The following XIRP2 variants were observed in gnomAD, a reference collection of about 807,000 sequenced individuals.
The protein encoded by XIRP2 is xin actin binding repeat containing 2.
XIRP2 carries 236 observed loss-of-function variants against 277.0 expected under a neutral mutation model. That is an observed-to-expected ratio of 0.85 (90% CI 0.77 to 0.95). The LOEUF (loss-of-function observed/expected upper bound fraction) is 0.95, where lower values mean the gene tolerates loss of function less well. Ranked by LOEUF, XIRP2 falls within the 40% of genes least tolerant of loss-of-function variation. The pLI, the probability that XIRP2 is intolerant of heterozygous loss-of-function variation, is 0.00. For synonymous variants in XIRP2, 1,490 were observed against 1,416.5 expected, an observed-to-expected ratio of 1.05 and a Z score of -1.17; for missense variants, 4,640 against 4,157.5, an observed-to-expected ratio of 1.12 and a Z score of -3.19.
chr2:167,184,559 C>G, intron 3 of XIRP2: 1 of 717,238 alleles, frequency 1.4e-6, no homozygotes, highest in South Asian at 1.5e-5. Flanking sequence ...CTCCACGGAC[C>G]AAGCCCAGAT....
chr2:167,170,312 T>C (rs1043237015), intron 3 of XIRP2, among the ~76,000 whole-genome samples: 2 of 152,090 alleles, frequency 1.3e-5, no homozygotes, highest in African/African-American at 4.8e-5. Context: ...TTAGGTAGGC[T>C]TCAAAAAAAC....
intron 3 of XIRP2, among the ~76,000 whole-genome samples, chr2:167,173,134 C>T (rs945729419): frequency 5.3e-5 from 8 of 152,128 alleles, no homozygotes; most frequent in African/African-American, 1.9e-4. Flanking sequence ...TAAAAACAAC[C>T]CAATTATGCT....
intron 2 of XIRP2, among the ~76,000 whole-genome samples, chr2:167,017,875 C>T (rs1687875151): frequency 2.0e-5 from 3 of 151,912 alleles, no homozygotes; most frequent in South Asian, 4.1e-4. Context: ...TTTTAGAGTC[C>T]CCAGTTTTCC....
At chr2:167,117,576 A>G (rs757798493) in intron 2 of XIRP2, among the ~76,000 whole-genome samples, 4 of 152,178 alleles carry the variant, frequency 2.6e-5, no homozygotes, top group Non-Finnish European at 5.9e-5. Flanking sequence ...AAAAAATCTC[A>G]CTAACCTTTG....
chr2:167,165,742 C>T (rs1459691854), intron 3 of XIRP2, among the ~76,000 whole-genome samples: 5 of 152,276 alleles, frequency 3.3e-5, no homozygotes, highest in Middle Eastern at 3.4e-3. Context: ...ATAACAGTCC[C>T]TTATCAGATA....
At chr2:166,916,464 T>G (rs1399208019) in intron 2 of XIRP2, among the ~76,000 whole-genome samples, 1 of 152,158 alleles carries the variant, frequency 6.6e-6, no homozygotes, top group East Asian at 1.9e-4. Flanking sequence ...CAGAAGTTAT[T>G]AGAATCTTGA....
chr2:167,230,974 C>A (rs1331117100), intron 5 of XIRP2, among the ~76,000 whole-genome samples: 1 of 152,068 alleles, frequency 6.6e-6, no homozygotes, highest in Non-Finnish European at 1.5e-5. Context: ...CTCTTACAAC[C>A]AACTCCCCTA....
intron 4 of XIRP2, among the ~76,000 whole-genome samples, chr2:167,215,565 C>T (rs1694220809): frequency 6.6e-6 from 1 of 152,026 alleles, no homozygotes; most frequent in South Asian, 2.1e-4. Context: ...GATCCAGGAC[C>T]CCCAAAGTCC....
At chr2:167,255,667 G>T (rs898497155) in intron 10 of XIRP2, among the ~76,000 whole-genome samples, 1 of 151,654 alleles carries the variant, frequency 6.6e-6, no homozygotes. Context: ...ACTACATACC[G>T]TGTTATCTCC....
rs1022846165 is a variant in XIRP2, at chr2:167,216,951, CCATAAAAAATGATGAGTT to C, written c.724-1211_724-1194del. Among the ~76,000 whole-genome samples, 37 of 137,738 alleles carry C rather than the reference CCATAAAAAATGATGAGTT, an allele frequency of 2.7e-4. 2 individuals carry two copies. Among genetic ancestry groups the C allele is most frequent in the Non-Finnish European group, 1.1e-4 (7 of 66,334 alleles). The allele number at this position is 137,738 out of a possible 152,430, so 90.4% of individuals were successfully genotyped here. Reference sequence around the variant, plus strand: ...ACATACACCATGGAATACTATGCAGCCATAAAAAATGATGAGTTCATGTCCTTTGTAGGGACATGGATG... The same window carrying C: ...ACATACACCATGGAATACTATGCAGCCATGTCCTTTGTAGGGACATGGATG... On this transcript the variant is annotated intron_variant, in intron 4 of 10. Transcript: ENST00000409195.
intron 2 of XIRP2, among the ~76,000 whole-genome samples, chr2:166,933,350 G>A (rs943477944): frequency 2.4e-4 from 37 of 151,824 alleles, no homozygotes; most frequent in East Asian, 7.8e-4. Flanking sequence ...GGGTTTTGCC[G>A]TGTTAGCCAG....
chr2:167,006,244 T>G (rs904017219), intron 2 of XIRP2, among the ~76,000 whole-genome samples: 3 of 151,672 alleles, frequency 2.0e-5, no homozygotes, highest in African/African-American at 7.3e-5. Context: ...AAATGATGTT[T>G]GAAGCTACCA....
Position 167,244,900 on chromosome 2 carries a change from G to C in XIRP2, c.3508G>C (p.Glu1170Gln), listed in dbSNP as rs1695199666. The change falls in exon 9 of 11, where the codon GAG (glutamate) becomes CAG (glutamine). Residue 1170 changes from glutamate to glutamine, a missense_variant. Physicochemically the swap from Glu to Gln is conservative, Grantham distance 29. Coordinates refer to ENST00000409195, the MANE Select transcript of XIRP2 (RefSeq NM_152381.6). ...GDVRTACFLF[E>Q]TENLDSIQGE... is the part of the protein sequence containing the mutation. The stretch of plus-strand genomic sequence containing the variant: ...TGTTCGTACAGCATGTTTTCTTTTT[G>C]AGACAGAAAATTTGGACAGCATACA... 2 of 1,613,108 alleles carry C rather than the reference G, an allele frequency of 1.2e-6. No individual in the cohort carries two copies. Among genetic ancestry groups the C allele is most frequent in the Non-Finnish European group, 1.7e-6 (2 of 1,179,650 alleles).
At chr2:167,128,895 A>G (rs1558990162) in intron 2 of XIRP2, among the ~76,000 whole-genome samples, 1 of 152,168 alleles carries the variant, frequency 6.6e-6, no homozygotes, top group Admixed American at 6.5e-5. Context: ...TATGGTGCCT[A>G]AAACATTTCT....
chr2:167,022,837 C>T (rs1688024134), intron 2 of XIRP2, among the ~76,000 whole-genome samples: 1 of 152,170 alleles, frequency 6.6e-6, no homozygotes, highest in Non-Finnish European at 1.5e-5. Flanking sequence ...GCCACATTTT[C>T]TTAATACAGT....
intron 2 of XIRP2, among the ~76,000 whole-genome samples, chr2:167,104,806 T>A (rs879390061): frequency 6.6e-6 from 1 of 152,100 alleles, no homozygotes; most frequent in Non-Finnish European, 1.5e-5. Flanking sequence ...ATGGGAATTT[T>A]ATCACCAAAG....
Position 167,254,049 on chromosome 2 carries a change from C to G in XIRP2, c.10573C>G (p.Gln3525Glu). 6.3e-7 allele frequency: 1 copy of G among 1,592,670 alleles called. No individual in the cohort carries two copies. Among genetic ancestry groups the G allele is most frequent in the Non-Finnish European group, 8.6e-7 (1 of 1,169,552 alleles). ...AFISEAAAPR[Q>E]GNMYTLSKDS... ...ATTTTTAGAAGCTGCTGCTCCAAGA[C>G]AAGGAAATATGTATACTTTGTCAAA... is the stretch of plus-strand genomic sequence containing the variant. Residue 3525 changes from glutamine to glutamate, a missense_variant, in exon 10 of 11, where the codon CAA becomes GAA. Transcript: ENST00000409195.
At chr2:167,201,016 C>T (rs955556465) in intron 3 of XIRP2, among the ~76,000 whole-genome samples, 1 of 151,690 alleles carries the variant, frequency 6.6e-6, no homozygotes, top group Non-Finnish European at 1.5e-5. Context: ...ATCCCAGCTA[C>T]TAGGGAGGCT....
intron 2 of XIRP2, among the ~76,000 whole-genome samples, chr2:167,029,319 C>T (rs2105500982): frequency 6.6e-6 from 1 of 152,190 alleles, no homozygotes; most frequent in Non-Finnish European, 1.5e-5. Flanking sequence ...TTTGTCCTTT[C>T]AGTATGATAT....
Sources: gnomAD v4.1 joint callset for allele counts (sites outside exome capture counted in the v4.1 genomes callset) on GRCh38, gnomAD v4.1.1 for gene constraint, MANE v1.5 for transcripts, NCBI Gene and HGNC (gene_info 2026-07-23, HGNC 2026-07-21) for gene names.